The following AFDN variants were observed in gnomAD, a reference collection of about 807,000 sequenced individuals.
AFDN encodes afadin, adherens junction formation factor, also known as afadin.
AFDN carries 68 observed loss-of-function variants against 216.6 expected under a neutral mutation model. The observed-to-expected ratio is 0.31, with a 90% CI of 0.26 to 0.38. AFDN has a LOEUF of 0.38. Among genes scored for constraint, AFDN ranks in the 10% least tolerant of loss-of-function variants. The probability of loss-of-function intolerance (pLI) is 1.00; values close to 1 mark genes in which losing one functional copy is unlikely to be tolerated. For missense variants in AFDN, 2,136 were observed against 2,342.0 expected (o/e 0.91, Z 1.82); for synonymous variants, 868 against 853.7 (o/e 1.02, Z -0.29).
At chr6:167,934,406 C>T (rs1383272127) in intron 23 of AFDN, among the ~76,000 whole-genome samples, 1 of 152,126 alleles carries the variant, frequency 6.6e-6, no homozygotes, top group Non-Finnish European at 1.5e-5. Flanking sequence ...GATTATTTCA[C>T]AATTAAGGTA....
intron 11 of AFDN, 144 bp downstream of exon 11, chr6:167,898,611 T>A: frequency 1.0e-6 from 1 of 962,106 alleles, no homozygotes; most frequent in Non-Finnish European, 1.5e-6. Flanking sequence ...TTCCTATTGT[T>A]AACTTGGGTT....
intron 1 of AFDN, 80 bp downstream of exon 1, chr6:167,827,317 C>G: frequency 2.1e-6 from 1 of 469,974 alleles, no homozygotes; most frequent in Non-Finnish European, 2.7e-6. Context: ...CCGCCGCCCG[C>G]CAGCCGCGGA....
At chr6:167,950,038 G>A (rs1391651171) in intron 29 of AFDN, among the ~76,000 whole-genome samples, 3 of 152,148 alleles carry the variant, frequency 2.0e-5, no homozygotes, top group African/African-American at 7.2e-5. Flanking sequence ...AGCAGGGAGC[G>A]GCGGTAGGCA....
chr6:167,826,585 C>T, upstream of AFDN: 1 of 526,190 alleles, frequency 1.9e-6, no homozygotes, highest in Non-Finnish European at 3.9e-6. Context: ...CGCGTCCGGA[C>T]CCAACACAGC....
rs548004879 is a variant in AFDN, at chr6:167,947,415, G to A, written c.3554-438G>A. On this transcript the variant is annotated intron_variant, in intron 27 of 33. Coordinates refer to ENST00000683244, the MANE Select transcript of AFDN (RefSeq NM_001386888.1). ...AGGATGGTCTCGATCTCCTGACCTC[G>A]TGATCTGCCCGCCTTGGCCTCCCAA... 3.7e-4 allele frequency among the ~76,000 whole-genome samples: 56 copies of A among 152,196 alleles called. No homozygotes were observed. The South Asian group carries it at 5.8e-3, about 16-fold the overall frequency.
intron 30 of AFDN, among the ~76,000 whole-genome samples, chr6:167,957,801 C>T (rs1435053413): frequency 6.6e-6 from 1 of 152,134 alleles, no homozygotes; most frequent in African/African-American, 2.4e-5. Context: ...GTAGCTAGTC[C>T]TTCCACCTGA....
intron 1 of AFDN, among the ~76,000 whole-genome samples, chr6:167,831,255 A>C (rs1779802494): frequency 6.6e-6 from 1 of 152,284 alleles, no homozygotes; most frequent in East Asian, 1.9e-4. Flanking sequence ...TTGTATTTTT[A>C]AATATTGGTA....
intron 13 of AFDN, among the ~76,000 whole-genome samples, chr6:167,908,026 G>A (rs1401811810): frequency 6.6e-6 from 1 of 152,202 alleles, no homozygotes; most frequent in South Asian, 2.1e-4. Flanking sequence ...AGAGCTCTGC[G>A]GGAACTCAGA....
At position 167,951,649 on chromosome 6, in the gene AFDN, G is replaced by A; in HGVS notation, c.4295G>A (p.Arg1432His). Residue 1432 changes from arginine to histidine, a missense_variant, in exon 30 of 34, where the codon CGC becomes CAC. Arg to His is a conservative substitution (Grantham distance 29). Coordinates refer to ENST00000683244, the MANE Select transcript of AFDN (RefSeq NM_001386888.1). The surrounding 1 kb of genome is among the most constrained non-coding windows in gnomAD (Gnocchi z 7.1). Reference protein sequence around the residue: ...HQRWYEKEKARLEEERERKRR... With the variant: ...HQRWYEKEKAHLEEERERKRR... ...CGTTGGTATGAGAAGGAGAAGGCCCGCCTGGAGGAGGAGCGGGAGAGGAAG... is the reference window on the plus strand; with the variant it reads ...CGTTGGTATGAGAAGGAGAAGGCCCACCTGGAGGAGGAGCGGGAGAGGAAG... 1 of 1,614,064 alleles carries A rather than the reference G, an allele frequency of 6.2e-7. No individual in the cohort carries two copies. Among genetic ancestry groups the A allele is most frequent in the Non-Finnish European group, 8.5e-7 (1 of 1,179,980 alleles).
chr6:167,971,971 T>C lies in AFDN; in HGVS notation c.*2036T>C, dbSNP rs1583103354. 1.5e-5 allele frequency: 3 copies of C among 195,054 alleles called. No individual in the cohort carries two copies. In the East Asian group the frequency reaches 2.4e-4, roughly 16 times the overall value. 12.1% of individuals were successfully genotyped at this position (195,054 alleles called of 1,614,324 possible). On this transcript the variant is annotated 3_prime_UTR_variant, in exon 34 of 34. Coordinates refer to ENST00000683244, the MANE Select transcript of AFDN (RefSeq NM_001386888.1). ...TTTATATTTGTAACATCAGCCTTCCTCGCCCATCTCTTTCCATCTGTCTCT... is the reference window on the plus strand; with the variant it reads ...TTTATATTTGTAACATCAGCCTTCCCCGCCCATCTCTTTCCATCTGTCTCT...
intron 6 of AFDN, among the ~76,000 whole-genome samples, chr6:167,880,734 G>A (rs539057183): frequency 1.3e-5 from 2 of 151,992 alleles, no homozygotes; most frequent in Admixed American, 6.5e-5. Flanking sequence ...ATATTAAAAG[G>A]CAAATTAAAG....
rs778580724 is a variant in AFDN, at chr6:167,911,387, A to G, written c.1935A>G (p.Val645=). 4 of 1,614,066 alleles carry G rather than the reference A, an allele frequency of 2.5e-6. No homozygotes were observed. Among genetic ancestry groups the G allele is most frequent in the Middle Eastern group, 1.6e-4 (1 of 6,062 alleles). Reference sequence around the variant, plus strand: ...TATTATATATGGCATGCCGGTATGTATTGTCCAACCAGTACAGACCTGACA... The same window carrying G: ...TATTATATATGGCATGCCGGTATGTGTTGTCCAACCAGTACAGACCTGACA... The part of the protein sequence containing the change: ...TYVLYMACRY[V]LSNQYRPDIS... The change falls in exon 15 of 34, where the codon GTA becomes GTG. Residue 645 remains valine (V), a synonymous_variant. Transcript: ENST00000683244.
intron 29 of AFDN, among the ~76,000 whole-genome samples, chr6:167,950,578 A>C (rs1795861720): frequency 6.6e-6 from 1 of 152,242 alleles, no homozygotes. Flanking sequence ...CAGCTCTGTC[A>C]GCCCAGAAAG....
chr6:167,851,484 C>T (rs1782301627), intron 1 of AFDN, among the ~76,000 whole-genome samples: 1 of 152,156 alleles, frequency 6.6e-6, no homozygotes, highest in South Asian at 2.1e-4. Flanking sequence ...GCACACCCAC[C>T]TTTTCAACTA....
In AFDN at chr6:167,935,591, G is replaced by A. The variant is rs149311335; in HGVS notation, c.3100-7538G>A. On this transcript the variant is annotated intron_variant, in intron 23 of 33. Transcript: ENST00000683244. Reference sequence around the variant, plus strand: ...CCTCAACTTTTCTTTAAAGAAACTGGTTTGTTAAATGAGGAATGAGTAATC... The same window carrying A: ...CCTCAACTTTTCTTTAAAGAAACTGATTTGTTAAATGAGGAATGAGTAATC... Among the ~76,000 whole-genome samples, 531 of 152,210 alleles carry A rather than the reference G, an allele frequency of 3.5e-3. 8 individuals carry two copies. Among genetic ancestry groups the A allele is most frequent in the African/African-American group, 0.012 (487 of 41,532 alleles).
chr6:167,891,136 C>G (rs143297455), intron 8 of AFDN, 107 bp downstream of exon 8: 3 of 838,022 alleles, frequency 3.6e-6, no homozygotes, highest in Admixed American at 3.5e-5. Flanking sequence ...GCTGACTTAA[C>G]ATTTTTAGCC....
intron 1 of AFDN, among the ~76,000 whole-genome samples, chr6:167,840,685 T>C (rs1323669566): frequency 2.6e-5 from 4 of 152,220 alleles, no homozygotes; most frequent in South Asian, 2.1e-4. Flanking sequence ...TGTGTGTCTG[T>C]GTGTACATGC....
intron 4 of AFDN, 70 bp downstream of exon 4, chr6:167,872,447 G>A: frequency 2.7e-6 from 4 of 1,492,902 alleles, no homozygotes; most frequent in Non-Finnish European, 3.6e-6. Flanking sequence ...CACCAAAATT[G>A]TTAAATTTTC....
At chr6:167,895,840 C>T (rs918695944) in intron 9 of AFDN, among the ~76,000 whole-genome samples, 1 of 152,152 alleles carries the variant, frequency 6.6e-6, no homozygotes, top group Admixed American at 6.5e-5. Context: ...ATAAGGCACT[C>T]ATAAAGCAGA....
Sources: allele counts gnomAD v4.1 joint callset (sites outside exome capture counted in the v4.1 genomes callset), GRCh38; gene constraint gnomAD v4.1.1; non-coding constraint Gnocchi (gnomAD v3.1); transcripts MANE v1.5; gene names NCBI Gene and HGNC (gene_info 2026-07-23, HGNC 2026-07-21).